Variants in CNTNAP5 observed in about 807,000 individuals in gnomAD.
CNTNAP5 encodes the protein contactin-associated protein-like 5.
CNTNAP5 carries 72 observed loss-of-function variants against 150.2 expected under a neutral mutation model. That is an observed-to-expected ratio of 0.48 (90% CI 0.40 to 0.58). The LOEUF (loss-of-function observed/expected upper bound fraction) is 0.58. Among genes scored for constraint, CNTNAP5 ranks in the 20% least tolerant of loss-of-function variants. CNTNAP5 has a pLI of 0.00. For missense variants in CNTNAP5, 1,636 were observed against 1,626.2 expected (o/e 1.01, Z -0.10); for synonymous variants, 672 against 619.8 (o/e 1.08, Z -1.25).
chr2:124,128,923 A>C (rs1683781315), intron 1 of CNTNAP5, among the ~76,000 whole-genome samples: 1 of 152,096 alleles, frequency 6.6e-6, no homozygotes, highest in South Asian at 2.1e-4. Flanking sequence ...GGGTATGGGG[A>C]GGGGAGAGGG....
intron 3 of CNTNAP5, among the ~76,000 whole-genome samples, chr2:124,416,442 A>G (rs1691919331): frequency 6.6e-6 from 1 of 151,842 alleles, no homozygotes; most frequent in Non-Finnish European, 1.5e-5. Context: ...AATAAAGGCT[A>G]TGAAGTACAA....
Position 124,542,366 on chromosome 2 carries a change from C to T in CNTNAP5, c.1649+14910C>T, listed in dbSNP as rs543319638. ...AGAGCAAGAGAGCTAGATAAGAAAC[C>T]TGAAAGCAGACATCTTACAAAGGGA... On this transcript the variant is annotated intron_variant, in intron 10 of 23. Coordinates refer to ENST00000682447, the MANE Select transcript of CNTNAP5 (RefSeq NM_001367498.1). Among the ~76,000 whole-genome samples, 5 of 151,180 alleles carry T rather than the reference C, an allele frequency of 3.3e-5. No homozygotes were observed. The East Asian group carries it at 9.8e-4, about 30-fold the overall frequency.
intron 19 of CNTNAP5, among the ~76,000 whole-genome samples, chr2:124,864,692 G>C (rs1677593783): frequency 1.3e-5 from 2 of 152,072 alleles, no homozygotes; most frequent in Non-Finnish European, 1.5e-5. Flanking sequence ...CTGAGACCCA[G>C]TAAATTGATT....
chr2:124,730,640 A>G (rs1416515023), intron 13 of CNTNAP5, among the ~76,000 whole-genome samples: 4 of 152,116 alleles, frequency 2.6e-5, no homozygotes, highest in Admixed American at 2.6e-4. Flanking sequence ...TTTTGATTTT[A>G]TCTAGTTTTA....
intron 13 of CNTNAP5, among the ~76,000 whole-genome samples, chr2:124,723,834 T>A (rs149582644): frequency 5.0e-4 from 76 of 152,204 alleles, no homozygotes; most frequent in African/African-American, 1.6e-3. Context: ...TCATTTTAGC[T>A]TAATCACCTC....
At chr2:124,670,082 T>C (rs1467927030) in intron 13 of CNTNAP5, among the ~76,000 whole-genome samples, 1 of 152,052 alleles carries the variant, frequency 6.6e-6, no homozygotes, top group Non-Finnish European at 1.5e-5. Context: ...TGGATCTCTC[T>C]ATATTGTGCT....
intron 2 of CNTNAP5, among the ~76,000 whole-genome samples, chr2:124,240,892 T>TACCAAG (rs1686868900): frequency 6.6e-6 from 1 of 152,176 alleles, no homozygotes; most frequent in Non-Finnish European, 1.5e-5. Flanking sequence ...AACTCTCAGT[T>TACCAAG]ACCAAGGAGA....
At chr2:124,056,657 G>C (rs1681854789) in intron 1 of CNTNAP5, among the ~76,000 whole-genome samples, 3 of 151,648 alleles carry the variant, frequency 2.0e-5, no homozygotes, top group South Asian at 2.1e-4. Flanking sequence ...AAAACAACAA[G>C]AACAACAACA....
chr2:124,521,150 C>A (rs184833808), intron 8 of CNTNAP5, among the ~76,000 whole-genome samples: 2 of 152,266 alleles, frequency 1.3e-5, no homozygotes, highest in East Asian at 3.9e-4. Context: ...AAACAGAATC[C>A]AAGGGACCTT....
chr2:124,747,210 G>A lies in CNTNAP5; in HGVS notation c.2078-19G>A. ...TCAGGCTTGCCCTACCCTGACTGGT[G>A]GAATATCTTGTCTTCCAGATGGAAC... On this transcript the variant is annotated intron_variant, in intron 13 of 23. Coordinates refer to ENST00000682447, the MANE Select transcript of CNTNAP5 (RefSeq NM_001367498.1). The A allele has an allele frequency of 6.2e-7, 1 of 1,608,708 alleles. No individual in the cohort carries two copies. Among genetic ancestry groups the A allele is most frequent in the Non-Finnish European group, 8.5e-7 (1 of 1,175,868 alleles).
At chr2:124,394,821 C>T (rs1187106339) in intron 3 of CNTNAP5, among the ~76,000 whole-genome samples, 6 of 152,130 alleles carry the variant, frequency 3.9e-5, no homozygotes, top group Admixed American at 6.5e-5. Flanking sequence ...TCGCCTCTGC[C>T]GAGACACATA....
At chr2:124,836,535 T>A (rs573865823) in intron 19 of CNTNAP5, among the ~76,000 whole-genome samples, 161 of 152,064 alleles carry the variant, frequency 1.1e-3, no homozygotes, top group Non-Finnish European at 1.8e-3. Flanking sequence ...CTGGGACACT[T>A]ACTCATAGTG....
At chr2:124,751,073 C>A (rs17393515) in intron 14 of CNTNAP5, among the ~76,000 whole-genome samples, 1 of 150,602 alleles carries the variant, frequency 6.6e-6, no homozygotes, top group Non-Finnish European at 1.5e-5. Flanking sequence ...AAAAATCTGG[C>A]GAGAGAAATA....
chr2:124,161,322 G>A (rs1684673081), intron 1 of CNTNAP5, among the ~76,000 whole-genome samples: 1 of 152,140 alleles, frequency 6.6e-6, no homozygotes, highest in Non-Finnish European at 1.5e-5. Flanking sequence ...CACTCTACTG[G>A]ATATAAGGAG....
At chr2:124,890,436 G>A (rs551796517) in intron 21 of CNTNAP5, among the ~76,000 whole-genome samples, 3 of 152,144 alleles carry the variant, frequency 2.0e-5, no homozygotes, top group South Asian at 2.1e-4. Flanking sequence ...TTAAGCTCTC[G>A]TTGTCCAGTG....
chr2:124,751,785 C>T (rs1260899542), intron 14 of CNTNAP5, among the ~76,000 whole-genome samples: 2 of 152,100 alleles, frequency 1.3e-5, no homozygotes, highest in African/African-American at 2.4e-5. Context: ...CAGTGGATAG[C>T]GGTTGAATAT....
intron 4 of CNTNAP5, among the ~76,000 whole-genome samples, chr2:124,420,190 C>A (rs147582965): frequency 2.0e-5 from 3 of 151,634 alleles, no homozygotes; most frequent in African/African-American, 7.3e-5. Context: ...GGAGTTTCAC[C>A]ATGTTGGCCA....
intron 3 of CNTNAP5, among the ~76,000 whole-genome samples, chr2:124,330,268 G>A (rs1689317410): frequency 1.3e-5 from 2 of 152,132 alleles, no homozygotes; most frequent in Non-Finnish European, 2.9e-5. Context: ...CAAAGCCTTG[G>A]TAATATAATC....
intron 11 of CNTNAP5, among the ~76,000 whole-genome samples, chr2:124,567,379 T>C (rs1031549264): frequency 6.6e-6 from 1 of 152,188 alleles, no homozygotes; most frequent in African/African-American, 2.4e-5. Context: ...TTTTCAAACA[T>C]ACATCATTCA....
Sources: allele counts gnomAD v4.1 joint callset (sites outside exome capture counted in the v4.1 genomes callset), GRCh38; gene constraint gnomAD v4.1.1; transcripts MANE v1.5; gene names NCBI Gene and HGNC (gene_info 2026-07-23, HGNC 2026-07-21).